The following AVEN variants were observed in gnomAD, a reference collection of about 807,000 sequenced individuals.
The protein encoded by AVEN is cell death regulator Aven.
A neutral mutation model predicts 38.1 loss-of-function variants in AVEN; 41 were observed. That is an observed-to-expected ratio of 1.08 (90% CI 0.84 to 1.40). AVEN has a LOEUF of 1.40. Among genes scored for constraint, AVEN ranks in the 40% most tolerant of loss-of-function variants. The probability of loss-of-function intolerance (pLI) is 0.00; values close to 1 mark genes in which losing one functional copy is unlikely to be tolerated. For missense variants in AVEN, 605 were observed against 438.8 expected (o/e 1.38, Z -3.38); for synonymous variants, 206 against 171.8 (o/e 1.20, Z -1.56).
At chr15:33,885,477 C>T (rs1891664966) in intron 2 of AVEN, 1 of 152,180 alleles carries the variant, frequency 6.6e-6, no homozygotes, top group Non-Finnish European at 1.5e-5. Flanking sequence ...AAACAAGCGA[C>T]ACCTAACACT....
In AVEN at chr15:33,904,708, T is replaced by TACACAC. The variant is rs568492308; in HGVS notation, c.446-28714_446-28713insGTGTGT. 1.6e-3 allele frequency among the ~76,000 whole-genome samples: 180 copies of TACACAC among 115,048 alleles called. 2 individuals are homozygous for TACACAC. The highest frequency in any genetic ancestry group is 2.5e-3 in the Non-Finnish European group (139 of 54,528). 75.5% of individuals were successfully genotyped at this position (115,048 alleles called of 152,430 possible). ...AAAAAAAAAAAAATATATATATATA[T>TACACAC]ATATATATACACACACACACGAATA... On this transcript the variant is annotated intron_variant, in intron 2 of 5. Transcript: ENST00000306730.
At chr15:33,940,043 G>A (rs1163994703) in intron 2 of AVEN, among the ~76,000 whole-genome samples, 1 of 152,200 alleles carries the variant, frequency 6.6e-6, no homozygotes, top group African/African-American at 2.4e-5. Flanking sequence ...ATACTCTCGA[G>A]GAACCATGAA....
intron 2 of AVEN, among the ~76,000 whole-genome samples, chr15:33,882,434 A>G (rs867389887): frequency 1.3e-5 from 2 of 152,196 alleles, no homozygotes; most frequent in South Asian, 4.1e-4. Context: ...AAGCTGAGAC[A>G]CAGGAGATAT....
chr15:33,862,741 G>GCTGGGACTACAGGCAC (rs1437267655), downstream of AVEN, among the ~76,000 whole-genome samples: 12 of 152,208 alleles, frequency 7.9e-5, no homozygotes, highest in East Asian at 1.5e-3. Context: ...CTCCTGAGTA[G>GCTGGGACTACAGGCAC]CTGGGACTAC....
At position 33,866,564 on chromosome 15, in the gene AVEN, G is replaced by T; in HGVS notation, c.*49C>A. 1 of 1,426,352 alleles carries T rather than the reference G, an allele frequency of 7.0e-7. No homozygotes were observed. The highest frequency in any genetic ancestry group is 9.9e-7 in the Non-Finnish European group (1 of 1,012,370). The allele number at this position is 1,426,352 out of a possible 1,614,324, so 88.4% of individuals were successfully genotyped here. On this transcript the variant is annotated 3_prime_UTR_variant, in exon 6 of 6. Transcript: ENST00000306730. ...CTGAAGGACAGCCTTATGCCCACCT[G>T]CCGTTAGAAGGCAACCAAGATTTGC...
At chr15:33,984,348 A>G (rs1254465516) in intron 2 of AVEN, among the ~76,000 whole-genome samples, 2 of 152,136 alleles carry the variant, frequency 1.3e-5, no homozygotes, top group Non-Finnish European at 2.9e-5. Context: ...TAATCTACAT[A>G]CAAGATATTC....
At position 34,063,245 on chromosome 15, in the gene AVEN, G is replaced by T. The variant is rs371681518; in HGVS notation, n.1314C>A. ...GCTGGCAGTACTTGGTTGGGAAGCGGACAGTTCCACTGGATGAGTGCCAGA... is the reference window on the plus strand; with the variant it reads ...GCTGGCAGTACTTGGTTGGGAAGCGTACAGTTCCACTGGATGAGTGCCAGA... On this transcript the variant is annotated non_coding_transcript_exon_variant, in exon 5 of 12. Coordinates refer to the AVEN transcript ENST00000675287. This position sits in a 1 kb window ranked among gnomAD's most constrained non-coding sequence, Gnocchi z 4.1. 6.2e-6 allele frequency: 10 copies of T among 1,614,082 alleles called. No individual in the cohort carries two copies. In the African/African-American group the frequency reaches 1.2e-4, roughly 19 times the overall value.
intron 1 of AVEN, among the ~76,000 whole-genome samples, chr15:34,006,277 A>C (rs1897336410): frequency 6.6e-6 from 1 of 151,570 alleles, no homozygotes; most frequent in Non-Finnish European, 1.5e-5. Flanking sequence ...CGCCATTGCA[A>C]TCCAGCCCGG....
chr15:33,921,411 CGAATTGA>C (rs1320584664), intron 2 of AVEN, among the ~76,000 whole-genome samples: 1 of 135,680 alleles, frequency 7.4e-6, no homozygotes, highest in East Asian at 2.3e-4. Flanking sequence ...GATTTAATCT[CGAATTGA>C]GAGAACAGGG....
At chr15:33,863,498 G>C (rs967308459), downstream of AVEN, among the ~76,000 whole-genome samples, 1 of 152,116 alleles carries the variant, frequency 6.6e-6, no homozygotes, top group Middle Eastern at 3.2e-3. Flanking sequence ...GCAAGAGCCT[G>C]GTTCCTTTGG....
At chr15:33,924,831 C>T (rs1048864055) in intron 2 of AVEN, among the ~76,000 whole-genome samples, 2 of 152,004 alleles carry the variant, frequency 1.3e-5, no homozygotes, top group Middle Eastern at 3.2e-3. Context: ...TGAAGAAAGA[C>T]ATAGGTAATA....
At chr15:33,909,352 G>C (rs2153045031) in intron 2 of AVEN, among the ~76,000 whole-genome samples, 1 of 152,216 alleles carries the variant, frequency 6.6e-6, no homozygotes, top group South Asian at 2.1e-4. Context: ...AAAAACCTAA[G>C]AGTTCTCATG....
intron 1 of AVEN, among the ~76,000 whole-genome samples, chr15:34,007,307 AT>A (rs941224631): frequency 2.0e-4 from 30 of 152,224 alleles, no homozygotes; most frequent in Admixed American, 5.2e-4. Context: ...AAATAAAAAA[AT>A]GAATCAACTT....
At chr15:33,888,806 A>G (rs1020390672) in intron 2 of AVEN, among the ~76,000 whole-genome samples, 2 of 152,072 alleles carry the variant, frequency 1.3e-5, no homozygotes, top group African/African-American at 4.8e-5. Context: ...ACTGGAGTGC[A>G]GTGGCGCGAT....
chr15:34,036,501 CAAG>C (rs1308985986), intron 1 of AVEN, among the ~76,000 whole-genome samples: 1 of 151,952 alleles, frequency 6.6e-6, no homozygotes, highest in Non-Finnish European at 1.5e-5. Flanking sequence ...GATATGAGAA[CAAG>C]AAGGCTTCAG....
At chr15:34,074,520 G>A (rs1029201013) in exon 1 of AVEN, among the ~76,000 whole-genome samples, 4 of 152,108 alleles carry the variant, frequency 2.6e-5, no homozygotes, top group Admixed American at 1.3e-4. Context: ...GAAAGGATCT[G>A]TTTCAGGCCT....
At chr15:33,952,714 G>A (rs1461516274) in intron 2 of AVEN, among the ~76,000 whole-genome samples, 2 of 152,072 alleles carry the variant, frequency 1.3e-5, no homozygotes, top group Non-Finnish European at 2.9e-5. Flanking sequence ...CTATCCAACT[G>A]AGGAAAACAG....
At chr15:33,898,393 G>C (rs1298910126) in intron 2 of AVEN, among the ~76,000 whole-genome samples, 1 of 152,198 alleles carries the variant, frequency 6.6e-6, no homozygotes, top group Non-Finnish European at 1.5e-5. Context: ...TATTCTCCCA[G>C]TTCTGGAGGT....
chr15:33,859,621 T>A (rs1296304871), intron 11 of AVEN: 1 of 1,614,060 alleles, frequency 6.2e-7, no homozygotes, highest in Non-Finnish European at 8.5e-7. Context: ...GGAGGTGGCA[T>A]TGGTGATGAA....
Sources: gnomAD v4.1 joint callset for allele counts (sites outside exome capture counted in the v4.1 genomes callset) on GRCh38, gnomAD v4.1.1 for gene constraint, Gnocchi (gnomAD v3.1) non-coding constraint, MANE v1.5 for transcripts, NCBI Gene and HGNC (gene_info 2026-07-23, HGNC 2026-07-21) for gene names.